Variants in ZAP70 observed in about 807,000 individuals in gnomAD.
ZAP70 encodes zeta chain of T cell receptor associated protein kinase 70.
Under a neutral mutation model 65.8 loss-of-function variants are expected in ZAP70, and 27 were observed. The ratio of observed to expected loss-of-function variants is 0.41; its 90% CI spans 0.30 to 0.57. The LOEUF (loss-of-function observed/expected upper bound fraction) is 0.57, where lower values mean the gene tolerates loss of function less well. Ranked by LOEUF, ZAP70 falls within the 20% of genes least tolerant of loss-of-function variation. The probability of loss-of-function intolerance (pLI) is 0.28; values close to 1 mark genes in which losing one functional copy is unlikely to be tolerated. For missense variants in ZAP70, 696 were observed against 870.5 expected, an observed-to-expected ratio of 0.80 and a Z score of 2.52; for synonymous variants, 363 against 360.8, an observed-to-expected ratio of 1.01 and a Z score of -0.07.
At chr2:97,747,177 T>A in the ZAP70 span, among the ~76,000 whole-genome samples, 1 of 152,234 alleles carries the variant, frequency 6.6e-6, no homozygotes, top group East Asian at 1.9e-4. Context: ...AAACATAGAT[T>A]AACCATCTGA....
chr2:97,747,812 G>A, the ZAP70 span, among the ~76,000 whole-genome samples: 1 of 119,306 alleles, frequency 8.4e-6, no homozygotes, highest in East Asian at 2.3e-4. Flanking sequence ...GTACTGGCAC[G>A]AGGTTTTTTT....
downstream of ZAP70, among the ~76,000 whole-genome samples, chr2:97,741,500 C>T (rs1242423991): frequency 6.6e-6 from 1 of 152,048 alleles, no homozygotes; most frequent in Non-Finnish European, 1.5e-5. Flanking sequence ...AGGAAAGCTC[C>T]CCGTCCCCCC....
chr2:97,739,357 G>A lies in ZAP70; in HGVS notation c.1737-18G>A. On this transcript the variant is annotated intron_variant, in intron 13 of 13. Transcript: ENST00000264972. ...TGGGGGCGTGGTCAGCAGCCTGGATGTACCCCACGCCCCACAGGTGGGAGG... is the reference window on the plus strand; with the variant it reads ...TGGGGGCGTGGTCAGCAGCCTGGATATACCCCACGCCCCACAGGTGGGAGG... 6.2e-7 allele frequency: 1 copy of A among 1,612,910 alleles called. No individual in the cohort carries two copies. Among genetic ancestry groups the A allele is most frequent in the South Asian group, 1.1e-5 (1 of 91,048 alleles).
At chr2:97,754,376 G>A in the ZAP70 span, among the ~76,000 whole-genome samples, 1 of 152,020 alleles carries the variant, frequency 6.6e-6, no homozygotes, top group Non-Finnish European at 1.5e-5. Context: ...CTCTTTCTGA[G>A]GAAAAGTCTG....
intron 2 of ZAP70, among the ~76,000 whole-genome samples, chr2:97,721,881 G>C (rs1470393405): frequency 6.6e-6 from 1 of 150,432 alleles, no homozygotes; most frequent in Non-Finnish European, 1.5e-5. Flanking sequence ...CCGCCTCCCA[G>C]GTTCAAGCAA....
Position 97,715,895 on chromosome 2 carries a change from G to T in ZAP70, c.-22+1901G>T, listed in dbSNP as rs1676891297. Among the ~76,000 whole-genome samples the T allele has an allele frequency of 2.0e-5, 3 of 152,208 alleles. No homozygotes were observed. Among genetic ancestry groups the T allele is most frequent in the Non-Finnish European group, 4.4e-5 (3 of 68,044 alleles). ...CTTACACACTTGACAAATATTTGTG[G>T]GGAGGAAGCAGGAGCTTCCATAGAA... On this transcript the variant is annotated intron_variant, in intron 2 of 13. Coordinates refer to ENST00000264972, the MANE Select transcript of ZAP70 (RefSeq NM_001079.4). This position sits in a 1 kb window ranked among gnomAD's most constrained non-coding sequence, Gnocchi z 4.1.
the ZAP70 span, among the ~76,000 whole-genome samples, chr2:97,745,555 C>T: frequency 6.6e-6 from 1 of 152,166 alleles, no homozygotes; most frequent in South Asian, 2.1e-4. Context: ...GGTTAACAAA[C>T]ACATGAAATG....
downstream of ZAP70, among the ~76,000 whole-genome samples, chr2:97,741,511 C>A (rs566346910): frequency 1.4e-3 from 209 of 151,318 alleles, 1 homozygote; most frequent in African/African-American, 5.0e-3. Flanking sequence ...CCGTCCCCCC[C>A]AGGTGATGTC....
At chr2:97,723,933 G>T in intron 2 of ZAP70, 83 bp from the exon 3 acceptor site, 1 of 1,457,918 alleles carries the variant, frequency 6.9e-7, no homozygotes, top group Non-Finnish European at 9.2e-7. Context: ...CCCTCCACTT[G>T]GCGTCTCTCG....
Position 97,737,332 on chromosome 2 carries a change from TG to T in ZAP70, c.1290-139del. The T allele has an allele frequency of 1.2e-6, 1 of 836,062 alleles. No individual in the cohort carries two copies. Among genetic ancestry groups the T allele is most frequent in the Non-Finnish European group, 2.0e-6 (1 of 507,632 alleles). 51.8% of individuals were successfully genotyped at this position (836,062 alleles called of 1,614,324 possible). Reference sequence around the variant, plus strand: ...ACTGCTGTGTCCCCAGCCCCACGCCTGGCACACAGCAGGTGCTCAATAAGCG... The same window carrying T: ...ACTGCTGTGTCCCCAGCCCCACGCCTGCACACAGCAGGTGCTCAATAAGCG... On this transcript the variant is annotated intron_variant, in intron 10 of 13. Coordinates refer to ENST00000264972, the MANE Select transcript of ZAP70 (RefSeq NM_001079.4). This position sits in a 1 kb window ranked among gnomAD's most constrained non-coding sequence, Gnocchi z 5.0.
chr2:97,716,456 T>C (rs1432265443), intron 2 of ZAP70, among the ~76,000 whole-genome samples: 6 of 152,160 alleles, frequency 3.9e-5, no homozygotes, highest in Non-Finnish European at 8.8e-5. Context: ...AATATCATCT[T>C]TTAGGTGGTG....
At chr2:97,749,796 G>C in the ZAP70 span, among the ~76,000 whole-genome samples, 5 of 152,150 alleles carry the variant, frequency 3.3e-5, no homozygotes, top group Admixed American at 2.0e-4. Context: ...TGAGGCAAAC[G>C]GGAGCCCAGG....
At chr2:97,732,691 G>T (rs1025150335) in intron 4 of ZAP70, 192 bp from the exon 5 acceptor site, 52 of 751,300 alleles carry the variant, frequency 6.9e-5, no homozygotes, top group South Asian at 1.8e-5. Flanking sequence ...CCCCTCCACC[G>T]CCCTCTGCCA....
intron 7 of ZAP70, 56 bp downstream of exon 7, chr2:97,733,399 G>A (rs374930707): frequency 1.9e-6 from 3 of 1,588,814 alleles, no homozygotes; most frequent in South Asian, 1.1e-5. Flanking sequence ...GAGTGGCTGT[G>A]GGGGAGGCTG....
intron 2 of ZAP70, among the ~76,000 whole-genome samples, chr2:97,719,343 CG>C (rs1677071461): frequency 1.4e-4 from 5 of 35,256 alleles, no homozygotes; most frequent in Non-Finnish European, 2.2e-4. Flanking sequence ...AGTAAGGGGA[CG>C]GGGGTGGGGG....
Position 97,734,729 on chromosome 2 carries a change from C to A in ZAP70, c.1082+17C>A, listed in dbSNP as rs768157128. 5.9e-5 allele frequency: 95 copies of A among 1,612,594 alleles called. No individual in the cohort carries two copies. Among genetic ancestry groups the A allele is most frequent in the Non-Finnish European group, 7.7e-5 (91 of 1,179,824 alleles). On this transcript the variant is annotated intron_variant, in intron 9 of 13. Transcript: ENST00000264972. ...CATGCGCAAGTATGGCCGCCCCTGC[C>A]GTGGTGGGAGCACCGCCGCCTGGGG...
rs551132243 is a variant in ZAP70 at position 97,725,498 on chromosome 2, G to A, written c.563+246G>A. Among the ~76,000 whole-genome samples the A allele has an allele frequency of 5.2e-4, 79 of 152,324 alleles. 1 individual carries two copies. Among genetic ancestry groups the A allele is most frequent in the African/African-American group, 1.8e-3 (75 of 41,566 alleles). ...GGAATCCCGCTTCCGCCACCTGCTG[G>A]CTGTGGCCCTTGGGCAAGTAGCGGA... On this transcript the variant is annotated intron_variant, in intron 4 of 13. Transcript: ENST00000264972.
At chr2:97,734,442 G>T in intron 8 of ZAP70, 78 bp from the exon 9 acceptor site, 1 of 1,510,712 alleles carries the variant, frequency 6.6e-7, no homozygotes, top group Non-Finnish European at 8.9e-7. Context: ...TCTGGGGCAG[G>T]TGCTTGTGGG....
In ZAP70 at chr2:97,717,402, C is replaced by A. The variant is rs192854420; in HGVS notation, c.-22+3408C>A. On this transcript the variant is annotated intron_variant, in intron 2 of 13. Transcript: ENST00000264972. ...CGGAGCCTCTGGCTGGGGGGACATGCGGAGCCTCTGAGCCTCTGGCTGGGG... is the reference window on the plus strand; with the variant it reads ...CGGAGCCTCTGGCTGGGGGGACATGAGGAGCCTCTGAGCCTCTGGCTGGGG... 5.4e-5 allele frequency among the ~76,000 whole-genome samples: 7 copies of A among 130,760 alleles called. 1 individual carries two copies. Among genetic ancestry groups the A allele is most frequent in the African/African-American group, 2.3e-4 (7 of 30,536 alleles). The allele number at this position is 130,760 out of a possible 152,430, so 85.8% of individuals were successfully genotyped here. A position where few individuals can be genotyped will look rare whatever the true frequency, so the allele number is the denominator to read the frequency against.
Sources: allele counts gnomAD v4.1 joint callset (sites outside exome capture counted in the v4.1 genomes callset), GRCh38; gene constraint gnomAD v4.1.1; non-coding constraint Gnocchi (gnomAD v3.1); transcripts MANE v1.5; gene names NCBI Gene and HGNC (gene_info 2026-07-23, HGNC 2026-07-21).